The following COL9A1 variants were observed in gnomAD, a reference collection of about 807,000 sequenced individuals.
COL9A1 encodes collagen alpha-1(IX) chain.
A neutral mutation model predicts 142.6 loss-of-function variants in COL9A1; 104 were observed. That is an observed-to-expected ratio of 0.73 (90% CI 0.62 to 0.86). COL9A1 has a LOEUF of 0.86. Ranked by LOEUF, COL9A1 falls within the 40% of genes least tolerant of loss-of-function variation. The pLI, the probability that COL9A1 is intolerant of heterozygous loss-of-function variation, is 0.00. For synonymous variants in COL9A1, 466 were observed against 396.0 expected, an observed-to-expected ratio of 1.18 and a Z score of -2.10; for missense variants, 1,210 against 1,176.6, an observed-to-expected ratio of 1.03 and a Z score of -0.42.
In COL9A1 at chr6:70,294,215, G is replaced by A; in HGVS notation, c.648C>T (p.Gly216=). ...IKPRGPIDID[G]FAVLGKLADN... Reference sequence around the variant, plus strand: ...CTGCAAGTTTTCCCAGCACAGCAAAGCCATCAATGTCAATTGGGCCTCTTG... The same window carrying A: ...CTGCAAGTTTTCCCAGCACAGCAAAACCATCAATGTCAATTGGGCCTCTTG... Residue 216 remains glycine, a synonymous_variant, in exon 5 of 38, where the codon GGC becomes GGT. Transcript: ENST00000357250. The A allele has an allele frequency of 2.5e-6, 4 of 1,614,050 alleles. No homozygotes were observed. In the South Asian group the frequency reaches 3.3e-5, roughly 13 times the overall value.
At chr6:70,255,805 T>C (rs1771248455) in intron 21 of COL9A1, among the ~76,000 whole-genome samples, 1 of 142,800 alleles carries the variant, frequency 7.0e-6, no homozygotes, top group Non-Finnish European at 1.6e-5. Context: ...GTAATTTCTG[T>C]CGAAGTGATC....
chr6:70,266,994 A>C (rs1375760112), intron 17 of COL9A1, among the ~76,000 whole-genome samples: 1 of 152,184 alleles, frequency 6.6e-6, no homozygotes, highest in Non-Finnish European at 1.5e-5. Flanking sequence ...AGAATAATAC[A>C]CTTCATTACC....
In COL9A1 at chr6:70,234,932, A is replaced by T. The variant is rs1197989118; in HGVS notation, c.2121T>A (p.Asn707Lys). The part of the protein sequence containing the change: ...GLPGPKGSAG[N>K]PGEPGLRGPE... Reference sequence around the variant, plus strand: ...GCCCTCTCAAGCCAGGTTCCCCAGGATTACCTGCCTGGAACACAATTGCAC... The same window carrying T: ...GCCCTCTCAAGCCAGGTTCCCCAGGTTTACCTGCCTGGAACACAATTGCAC... The change falls in exon 34 of 38, where the codon AAT becomes AAA. Residue 707 changes from asparagine to lysine, a missense_variant. Transcript: ENST00000357250. 1.2e-6 allele frequency: 2 copies of T among 1,614,136 alleles called. No individual in the cohort carries two copies. The highest frequency in any genetic ancestry group is 8.5e-7 in the Non-Finnish European group (1 of 1,180,032).
chr6:70,257,710 G>T (rs375802589), intron 20 of COL9A1, among the ~76,000 whole-genome samples: 75 of 152,258 alleles, frequency 4.9e-4, no homozygotes, highest in African/African-American at 1.6e-3. Flanking sequence ...GAGCACCACT[G>T]CACTCCAGCA....
chr6:70,242,107 C>CT (rs1222891333), intron 29 of COL9A1, 72 bp from the exon 30 acceptor site: 4 of 1,319,938 alleles, frequency 3.0e-6, no homozygotes, highest in Non-Finnish European at 4.3e-6. Context: ...CAGAAACAAC[C>CT]TTGGGTGTGT....
rs61373051 is a variant in COL9A1, at chr6:70,267,327, G to GTTTTTTTTTTTTTTTTTTTTT, written c.1288-558_1288-557insAAAAAAAAAAAAAAAAAAAAA. On this transcript the variant is annotated intron_variant, in intron 17 of 37. Coordinates refer to ENST00000357250, the MANE Select transcript of COL9A1 (RefSeq NM_001851.6). Reference sequence around the variant, plus strand: ...TTGTTGTTGTTTGTTTGGTTTTTTTGTTTTTTTTTTTTGAGATGGAGCTTC... The same window carrying GTTTTTTTTTTTTTTTTTTTTT: ...TTGTTGTTGTTTGTTTGGTTTTTTTGTTTTTTTTTTTTTTTTTTTTTTTTTTTTTTTTTGAGATGGAGCTTC... 1.9e-3 allele frequency among the ~76,000 whole-genome samples: 243 copies of GTTTTTTTTTTTTTTTTTTTTT among 127,038 alleles called. 4 individuals carry two copies. Among genetic ancestry groups the GTTTTTTTTTTTTTTTTTTTTT allele is most frequent in the Non-Finnish European group, 2.6e-3 (158 of 60,128 alleles). 83.3% of individuals were successfully genotyped at this position (127,038 alleles called of 152,430 possible).
intron 28 of COL9A1, among the ~76,000 whole-genome samples, chr6:70,250,639 T>C (rs925099927): frequency 6.6e-6 from 1 of 152,124 alleles, no homozygotes; most frequent in Middle Eastern, 3.2e-3. Context: ...TTCTCAAGTA[T>C]AAAAATCTTC....
At chr6:70,218,627 T>C (rs1240281578) in intron 37 of COL9A1, among the ~76,000 whole-genome samples, 1 of 152,224 alleles carries the variant, frequency 6.6e-6, no homozygotes, top group Non-Finnish European at 1.5e-5. Context: ...CATATTTGCT[T>C]ATATTTGGTT....
At chr6:70,260,433 C>T (rs1035318435) in intron 20 of COL9A1, among the ~76,000 whole-genome samples, 1 of 151,516 alleles carries the variant, frequency 6.6e-6, no homozygotes, top group Non-Finnish European at 1.5e-5. Flanking sequence ...ATCCCAGCTG[C>T]TCTACTCGTG....
intron 6 of COL9A1, chr6:70,283,156 A>G: frequency 6.6e-7 from 1 of 1,518,148 alleles, no homozygotes; most frequent in Non-Finnish European, 8.8e-7. Flanking sequence ...CCCTGCAGAA[A>G]AAGCACCCCC....
At chr6:70,275,964 A>G (rs1772732393) in intron 10 of COL9A1, among the ~76,000 whole-genome samples, 1 of 152,182 alleles carries the variant, frequency 6.6e-6, no homozygotes, top group African/African-American at 2.4e-5. Flanking sequence ...TTCATATAGA[A>G]AACTAGTTCA....
intron 6 of COL9A1, chr6:70,283,215 C>T (rs1428722100): frequency 6.2e-6 from 9 of 1,462,912 alleles, no homozygotes; most frequent in Non-Finnish European, 8.1e-6. Context: ...GCGCGTTCCC[C>T]CTGTTTATGA....
In COL9A1 at chr6:70,234,304, C is replaced by A. The variant is rs10945204; in HGVS notation, c.2314+235G>T. On this transcript the variant is annotated intron_variant, in intron 35 of 37. Transcript: ENST00000357250. ...CCCATGGCAAAAAAACAAAACAAAA[C>A]AAAAAAAAGGCAGGATAACCAGAAA... Among the ~76,000 whole-genome samples the A allele has an allele frequency of 0.15, 20,744 of 142,462 alleles. 2,015 individuals carry two copies. The highest frequency in any genetic ancestry group is 0.22 in the Non-Finnish European group (13,922 of 64,238). 93.5% of individuals were successfully genotyped at this position (142,462 alleles called of 152,430 possible).
chr6:70,286,484 G>T (rs1201189940), intron 5 of COL9A1, among the ~76,000 whole-genome samples: 1 of 152,236 alleles, frequency 6.6e-6, no homozygotes, highest in Admixed American at 6.5e-5. Context: ...CACAAGGTTT[G>T]ATTTCTGCAA....
intron 13 of COL9A1, 79 bp downstream of exon 13, chr6:70,271,985 AG>A: frequency 7.3e-7 from 1 of 1,379,218 alleles, no homozygotes; most frequent in Admixed American, 1.7e-5. Context: ...GTAGACCGTT[AG>A]TAGGAGAATA....
chr6:70,272,717 T>C (rs1337950723), intron 12 of COL9A1, among the ~76,000 whole-genome samples: 1 of 152,156 alleles, frequency 6.6e-6, no homozygotes, highest in Non-Finnish European at 1.5e-5. Context: ...ATTTTCTTCT[T>C]TACATTTATA....
At chr6:70,243,262 T>G (rs1383679565) in intron 28 of COL9A1, among the ~76,000 whole-genome samples, 1 of 152,222 alleles carries the variant, frequency 6.6e-6, no homozygotes, top group Non-Finnish European at 1.5e-5. Flanking sequence ...AGTAAAAATT[T>G]TTTTCTTCTA....
chr6:70,302,166 T>G (rs1774090881), intron 1 of COL9A1, 92 bp from the exon 2 acceptor site: 1 of 761,942 alleles, frequency 1.3e-6, no homozygotes, highest in Non-Finnish European at 2.3e-6. Flanking sequence ...CTAATTAATG[T>G]AAGGTGATCA....
intron 5 of COL9A1, among the ~76,000 whole-genome samples, chr6:70,286,226 T>C (rs530640469): frequency 3.4e-4 from 51 of 152,188 alleles, no homozygotes; most frequent in Non-Finnish European, 7.2e-4. Context: ...AAAGGTATAA[T>C]TCAATCCTCA....
Sources: gnomAD v4.1 joint callset for allele counts (sites outside exome capture counted in the v4.1 genomes callset) on GRCh38, gnomAD v4.1.1 for gene constraint, MANE v1.5 for transcripts, NCBI Gene and HGNC (gene_info 2026-07-23, HGNC 2026-07-21) for gene names.